STK3: variants seen among roughly 807,000 people sequenced by gnomAD.
STK3 encodes serine/threonine kinase 3.
A neutral mutation model predicts 58.0 loss-of-function variants in STK3; 41 were observed. The observed-to-expected ratio is 0.71, with a 90% CI of 0.55 to 0.92. STK3 has a LOEUF of 0.92. Among genes scored for constraint, STK3 ranks in the 40% least tolerant of loss-of-function variants. The pLI is 0.00. For missense variants in STK3, 479 were observed against 602.7 expected, an observed-to-expected ratio of 0.79 and a Z score of 2.15; for synonymous variants, 170 against 191.0, an observed-to-expected ratio of 0.89 and a Z score of 0.91.
At chr8:98,721,767 C>T (rs1827443783) in intron 4 of STK3, among the ~76,000 whole-genome samples, 2 of 151,860 alleles carry the variant, frequency 1.3e-5, no homozygotes, top group Admixed American at 6.6e-5. Flanking sequence ...ATAAAATTAC[C>T]CCAGGGGTTA....
At chr8:98,521,935 T>C (rs934754137) in intron 10 of STK3, among the ~76,000 whole-genome samples, 2 of 152,224 alleles carry the variant, frequency 1.3e-5, no homozygotes, top group African/African-American at 4.8e-5. Flanking sequence ...GTTATTGTTC[T>C]GGATTACAAT....
At chr8:98,611,922 G>C (rs1012527986) in intron 6 of STK3, among the ~76,000 whole-genome samples, 4 of 151,994 alleles carry the variant, frequency 2.6e-5, no homozygotes, top group South Asian at 2.1e-4. Flanking sequence ...ACCATTTTTA[G>C]AGACAGAGTT....
Position 98,803,052 on chromosome 8 carries a change from A to C in STK3, c.26+22463T>G, listed in dbSNP as rs929294880. On this transcript the variant is annotated intron_variant, in intron 1 of 10. Coordinates refer to ENST00000419617, the MANE Select transcript of STK3 (RefSeq NM_006281.4). ...TAAAGGTTTTAGAATTCCAGACAAC[A>C]GGGTTTCCCTTGGGGTATGATTCTC... 6.6e-5 allele frequency among the ~76,000 whole-genome samples: 10 copies of C among 152,342 alleles called. No individual in the cohort carries two copies. In the East Asian group the frequency reaches 1.5e-3, roughly 23 times the overall value.
intron 6 of STK3, among the ~76,000 whole-genome samples, chr8:98,653,194 A>C (rs997797092): frequency 3.3e-5 from 5 of 152,222 alleles, no homozygotes; most frequent in African/African-American, 1.2e-4. Flanking sequence ...AAAACCGCTC[A>C]ACTACATGGA....
intron 6 of STK3, among the ~76,000 whole-genome samples, chr8:98,617,616 A>C (rs1482129185): frequency 6.6e-6 from 1 of 152,146 alleles, no homozygotes; most frequent in Non-Finnish European, 1.5e-5. Context: ...CACAATAAAA[A>C]ATGATAAAGG....
At chr8:98,903,008 A>T (rs987628126) in intron 1 of STK3, among the ~76,000 whole-genome samples, 9 of 152,086 alleles carry the variant, frequency 5.9e-5, no homozygotes, top group African/African-American at 2.2e-4. Context: ...ACAAAACCCA[A>T]ATTCCCTAAC....
At chr8:98,875,864 T>A (rs1837544579) in intron 3 of STK3, among the ~76,000 whole-genome samples, 1 of 152,218 alleles carries the variant, frequency 6.6e-6, no homozygotes. Flanking sequence ...CTTTGGATAG[T>A]CCAACAGTAG....
intron 4 of STK3, among the ~76,000 whole-genome samples, chr8:98,717,386 G>A (rs1002179001): frequency 6.6e-6 from 1 of 152,034 alleles, no homozygotes; most frequent in Admixed American, 6.6e-5. Flanking sequence ...TTTCTCCAAA[G>A]GTATACAAAT....
At chr8:98,532,252 T>C (rs985599898) in intron 9 of STK3, among the ~76,000 whole-genome samples, 5 of 152,170 alleles carry the variant, frequency 3.3e-5, no homozygotes, top group African/African-American at 7.2e-5. Context: ...ATAGAGGCCA[T>C]TGCAGGGTTA....
Position 98,611,256 on chromosome 8 carries a change from A to T in STK3, c.685-15087T>A, listed in dbSNP as rs560706071. ...AAAATCTATAATAGAAGTCAATGTA[A>T]ATTAGGATTAAGAAAATCAAAATTA... On this transcript the variant is annotated intron_variant, in intron 6 of 10. Transcript: ENST00000419617. Among the ~76,000 whole-genome samples the T allele has an allele frequency of 2.0e-5, 3 of 152,318 alleles. No homozygotes were observed. The East Asian group carries it at 5.8e-4, about 29-fold the overall frequency.
At chr8:98,883,772 G>A (rs1837882835) in exon 2 of STK3, 1 of 701,944 alleles carries the variant, frequency 1.4e-6, no homozygotes, top group African/African-American at 1.7e-5. Context: ...CCACTGAAGA[G>A]TCTAGCTCAG....
chr8:98,854,659 C>T (rs1836601768), intron 3 of STK3, among the ~76,000 whole-genome samples: 1 of 152,046 alleles, frequency 6.6e-6, no homozygotes, highest in South Asian at 2.1e-4. Flanking sequence ...AACTTATACT[C>T]TGAAAACTAA....
intron 10 of STK3, among the ~76,000 whole-genome samples, chr8:98,457,043 G>C (rs1490299141): frequency 2.6e-5 from 4 of 152,214 alleles, no homozygotes; most frequent in Non-Finnish European, 4.4e-5. Context: ...ATGGAGAAGA[G>C]TATGCAGGCT....
chr8:98,737,698 G>A (rs1238374355), intron 4 of STK3, among the ~76,000 whole-genome samples: 2 of 151,934 alleles, frequency 1.3e-5, no homozygotes, highest in Admixed American at 6.6e-5. Flanking sequence ...AATTTAAAAC[G>A]TATATAATTT....
At chr8:98,370,137 G>T (rs1232466457), downstream of STK3, among the ~76,000 whole-genome samples, 1 of 142,942 alleles carries the variant, frequency 7.0e-6, no homozygotes, top group Non-Finnish European at 1.5e-5. Flanking sequence ...AACAGATCCA[G>T]TTTGTCTCTA....
At chr8:98,660,470 T>A (rs554018350) in intron 6 of STK3, among the ~76,000 whole-genome samples, 27 of 152,074 alleles carry the variant, frequency 1.8e-4, no homozygotes, top group African/African-American at 5.8e-4. Context: ...AAATGGAAGA[T>A]CTGTGCACAA....
At chr8:98,423,999 C>G (rs1027697257) in intron 3 of STK3, among the ~76,000 whole-genome samples, 1 of 152,228 alleles carries the variant, frequency 6.6e-6, no homozygotes, top group Non-Finnish European at 1.5e-5. Context: ...TCAACCTGCG[C>G]CTGGAGCAGT....
chr8:98,424,289 A>T (rs1284771627), intron 3 of STK3, among the ~76,000 whole-genome samples: 1 of 152,242 alleles, frequency 6.6e-6, no homozygotes. Context: ...AAAGGTGAGC[A>T]GGGGGGCTTG....
At chr8:98,923,037 G>A (rs945829718) in intron 1 of STK3, among the ~76,000 whole-genome samples, 4 of 152,016 alleles carry the variant, frequency 2.6e-5, no homozygotes, top group African/African-American at 7.3e-5. Flanking sequence ...AGAGCACTAG[G>A]GTATACACCA....
Sources: gnomAD v4.1 joint callset for allele counts (sites outside exome capture counted in the v4.1 genomes callset) on GRCh38, gnomAD v4.1.1 for gene constraint, MANE v1.5 for transcripts, NCBI Gene and HGNC (gene_info 2026-07-23, HGNC 2026-07-21) for gene names.